Variants in LEPR observed in about 807,000 individuals in gnomAD.
LEPR encodes leptin receptor.
LEPR carries 56 observed loss-of-function variants against 114.7 expected under a neutral mutation model. That is an observed-to-expected ratio of 0.49 (90% CI 0.39 to 0.61). The LOEUF is 0.61. Among genes scored for constraint, LEPR ranks in the 20% least tolerant of loss-of-function variants. The pLI is 0.00. For missense variants in LEPR, 1,202 were observed against 1,352.9 expected (o/e 0.89, Z 1.75); for synonymous variants, 443 against 461.4 (o/e 0.96, Z 0.51).
At chr1:65,445,264 G>T (rs888699961) in intron 2 of LEPR, among the ~76,000 whole-genome samples, 1 of 152,178 alleles carries the variant, frequency 6.6e-6, no homozygotes, top group African/African-American at 2.4e-5. Context: ...GCTGCTCCTG[G>T]CTGTGTTCAA....
At chr1:65,443,951 CT>C (rs765741085) in intron 2 of LEPR, among the ~76,000 whole-genome samples, 1,634 of 84,716 alleles carry the variant, frequency 0.019, 330 homozygotes, top group East Asian at 0.058. Context: ...AGACCTGATA[CT>C]TTTTTTTTTT....
intron 6 of LEPR, 27 bp from the exon 7 acceptor site, chr1:65,596,420 TA>T: frequency 6.2e-7 from 1 of 1,611,386 alleles, no homozygotes; most frequent in African/African-American, 1.3e-5. Flanking sequence ...TTACTTGACT[TA>T]AAAGTATTCT....
At position 65,551,653 on chromosome 1, in the gene LEPR, C is replaced by T. The variant is rs549099645; in HGVS notation, c.-20-13893C>T. Among the ~76,000 whole-genome samples the T allele has an allele frequency of 1.7e-4, 26 of 152,190 alleles. No homozygotes were observed. The East Asian group carries it at 2.7e-3, about 16-fold the overall frequency. On this transcript the variant is annotated intron_variant, in intron 2 of 19. Transcript: ENST00000349533. ...CTATTTTGTTGATCTTTTCAAAAATCCAGCTCCTGGATTCACTGAGTTTTT... is the reference window on the plus strand; with the variant it reads ...CTATTTTGTTGATCTTTTCAAAAATTCAGCTCCTGGATTCACTGAGTTTTT...
intron 2 of LEPR, among the ~76,000 whole-genome samples, chr1:65,475,428 A>T (rs564705110): frequency 6.6e-6 from 1 of 151,714 alleles, no homozygotes; most frequent in South Asian, 2.1e-4. Context: ...AGGAATTTGG[A>T]TGTTGAGCAG....
intron 2 of LEPR, among the ~76,000 whole-genome samples, chr1:65,533,441 G>A (rs1650541856): frequency 6.6e-6 from 1 of 152,096 alleles, no homozygotes; most frequent in Non-Finnish European, 1.5e-5. Flanking sequence ...CTATCGGATA[G>A]CAAGACTCGT....
At chr1:65,531,245 C>T (rs962530635) in intron 2 of LEPR, among the ~76,000 whole-genome samples, 2 of 152,092 alleles carry the variant, frequency 1.3e-5, no homozygotes, top group Non-Finnish European at 2.9e-5. Flanking sequence ...TTAGCTTTTC[C>T]TGCCTTGAAT....
intron 2 of LEPR, among the ~76,000 whole-genome samples, chr1:65,526,826 C>T (rs956809304): frequency 2.6e-5 from 4 of 152,126 alleles, no homozygotes; most frequent in African/African-American, 9.7e-5. Flanking sequence ...AATTCCTTAA[C>T]TCTCTTTAAC....
At chr1:65,621,141 T>C (rs1161303510) in intron 17 of LEPR, among the ~76,000 whole-genome samples, 1 of 152,234 alleles carries the variant, frequency 6.6e-6, no homozygotes, top group African/African-American at 2.4e-5. Flanking sequence ...AATATTTTGC[T>C]AATTTACAGT....
intron 2 of LEPR, among the ~76,000 whole-genome samples, chr1:65,500,936 T>C (rs996022333): frequency 9.9e-5 from 15 of 152,170 alleles, no homozygotes; most frequent in Admixed American, 3.9e-4. Context: ...TCTGTTCTTC[T>C]GGAATTGCCT....
At chr1:65,558,501 G>GTTTTTTTT (rs781558613) in intron 2 of LEPR, among the ~76,000 whole-genome samples, 3 of 23,158 alleles carry the variant, frequency 1.3e-4, no homozygotes, top group Admixed American at 5.5e-4. Flanking sequence ...GTTTCTTAAT[G>GTTTTTTTT]TTTTTTTTTT....
At chr1:65,598,273 G>A (rs564447786) in intron 7 of LEPR, among the ~76,000 whole-genome samples, 33 of 151,856 alleles carry the variant, frequency 2.2e-4, no homozygotes, top group Admixed American at 3.9e-4. Flanking sequence ...CTTCTGTACA[G>A]GGACACTTGT....
chr1:65,572,246 C>T (rs13306519), intron 4 of LEPR, 80 bp from the exon 5 acceptor site: 1 of 1,398,024 alleles, frequency 7.2e-7, no homozygotes, highest in Non-Finnish European at 9.3e-7. Flanking sequence ...TAGCTCTTCT[C>T]TTTCACTGAG....
intron 4 of LEPR, among the ~76,000 whole-genome samples, chr1:65,572,013 C>G (rs184464133): frequency 1.4e-4 from 21 of 145,234 alleles, no homozygotes; most frequent in African/African-American, 5.1e-4. Context: ...AAAGTGAGAA[C>G]TGAGCTAGGT....
intron 2 of LEPR, chr1:65,433,409 C>T: frequency 3.0e-6 from 3 of 985,406 alleles, no homozygotes; most frequent in Non-Finnish European, 3.6e-6. Context: ...TCCCTGCTCA[C>T]CTTTTTGTCT....
At chr1:65,423,865 A>G (rs1382399656) in intron 1 of LEPR, among the ~76,000 whole-genome samples, 3 of 152,210 alleles carry the variant, frequency 2.0e-5, no homozygotes, top group Non-Finnish European at 1.5e-5. Flanking sequence ...TTTGATTTCT[A>G]CCTTTATCAA....
intron 2 of LEPR, among the ~76,000 whole-genome samples, chr1:65,558,441 A>G (rs1338440123): frequency 2.1e-5 from 3 of 144,278 alleles, no homozygotes; most frequent in Non-Finnish European, 4.5e-5. Context: ...TGTGGTGCCA[A>G]TTCTCACTTA....
chr1:65,616,148 T>TA lies in LEPR; in HGVS notation c.2137dup (p.Thr713AsnfsTer16). On this transcript the variant is annotated frameshift_variant, in exon 15 of 20. Transcript: ENST00000349533. LOFTEE classifies it high-confidence loss of function. Reference sequence around the variant, plus strand: ...TGTGGACAGAGCAAGCACATACTGTTACGGTTCTGGCCATCAATTCAATTG... The same window carrying TA: ...TGTGGACAGAGCAAGCACATACTGTTAACGGTTCTGGCCATCAATTCAATTG... 2 of 1,614,198 alleles carry TA rather than the reference T, an allele frequency of 1.2e-6. No individual in the cohort carries two copies. The highest frequency in any genetic ancestry group is 1.7e-6 in the Non-Finnish European group (2 of 1,180,014).
Position 65,478,759 on chromosome 1 carries a change from C to T in LEPR, c.-21+53381C>T, listed in dbSNP as rs79517813. On this transcript the variant is annotated intron_variant, in intron 2 of 19. Coordinates refer to ENST00000349533, the MANE Select transcript of LEPR (RefSeq NM_002303.6). ...AAGGTGGGTTTTGGAATGAGATCAG[C>T]GCCAGTGAATCTACCCTTCAGTTCT... Among the ~76,000 whole-genome samples, 730 of 152,238 alleles carry T rather than the reference C, an allele frequency of 4.8e-3. 8 individuals are homozygous for T. The highest frequency in any genetic ancestry group is 0.017 in the African/African-American group (702 of 41,546).
chr1:65,454,005 CTTG>C (rs1570477597), intron 2 of LEPR, among the ~76,000 whole-genome samples: 2 of 151,650 alleles, frequency 1.3e-5, no homozygotes, highest in East Asian at 3.9e-4. Flanking sequence ...GTTAGCTCTT[CTTG>C]TTGAATTGAT....
Sources: gnomAD v4.1 joint callset for allele counts (sites outside exome capture counted in the v4.1 genomes callset) on GRCh38, gnomAD v4.1.1 for gene constraint, MANE v1.5 for transcripts, NCBI Gene and HGNC (gene_info 2026-07-23, HGNC 2026-07-21) for gene names.